Variants in SNAP29 observed in about 807,000 individuals in gnomAD.
The protein encoded by SNAP29 is synaptosomal-associated protein 29.
In SNAP29, 13 loss-of-function variants were observed where a neutral mutation model predicts 27.9. That is an observed-to-expected ratio of 0.47 (90% confidence interval 0.30 to 0.74). The LOEUF is 0.74. Among genes scored for constraint, SNAP29 ranks in the 30% least tolerant of loss-of-function variants. SNAP29 has a pLI of 0.06. For synonymous variants in SNAP29, 119 were observed against 127.1 expected (o/e 0.94, Z 0.43); for missense variants, 368 against 336.5 (o/e 1.09, Z -0.73).
chr22:20,885,764 G>C (rs1928999826), intron 4 of SNAP29, among the ~76,000 whole-genome samples: 1 of 152,240 alleles, frequency 6.6e-6, no homozygotes, highest in African/African-American at 2.4e-5. Context: ...CTGGGCAGAA[G>C]GGCGAGTGGC....
At chr22:20,883,595 C>T in intron 4 of SNAP29, 26 bp downstream of exon 4, 3 of 1,425,216 alleles carry the variant, frequency 2.1e-6, no homozygotes, top group Non-Finnish European at 3.0e-6. Flanking sequence ...ACACCAGCTT[C>T]TGTAAGCCAC....
intron 3 of SNAP29, among the ~76,000 whole-genome samples, chr22:20,882,016 A>C (rs1188935558): frequency 1.3e-5 from 2 of 152,100 alleles, no homozygotes; most frequent in Non-Finnish European, 2.9e-5. Context: ...AGAGAGCAGC[A>C]GAGTCAGAGA....
chr22:20,861,606 TTTTTTG>T (rs966072144), intron 1 of SNAP29, among the ~76,000 whole-genome samples: 13 of 151,898 alleles, frequency 8.6e-5, no homozygotes, highest in South Asian at 6.2e-4. Flanking sequence ...CCTGGCTAAT[TTTTTTG>T]TTTTTGTTTT....
At position 20,859,077 on chromosome 22, in the gene SNAP29, T is replaced by C. The variant is rs771561755; in HGVS notation, c.-34T>C. ...ACGGCGGCGGCAGTGGGGCTCCTCC[T>C]TCTGTTTCCCAGACCGAGAGCCGCG... On this transcript the variant is annotated 5_prime_UTR_variant, in exon 1 of 5. Coordinates refer to ENST00000215730, the MANE Select transcript of SNAP29 (RefSeq NM_004782.4). 3.9e-6 allele frequency: 6 copies of C among 1,543,244 alleles called. No homozygotes were observed. The Admixed American group carries it at 7.0e-5, about 18-fold the overall frequency.
intron 2 of SNAP29, among the ~76,000 whole-genome samples, chr22:20,875,932 T>C (rs956542827): frequency 2.0e-5 from 3 of 151,290 alleles, no homozygotes; most frequent in Non-Finnish European, 4.4e-5. Flanking sequence ...GAGGCTAAGG[T>C]GGGCGGATCA....
chr22:20,867,338 G>C (rs994524769), intron 1 of SNAP29, among the ~76,000 whole-genome samples: 3 of 152,104 alleles, frequency 2.0e-5, no homozygotes, highest in South Asian at 2.1e-4. Flanking sequence ...TCTGCGGAGG[G>C]GGGTGTGGAC....
chr22:20,865,110 T>C (rs1342531208), intron 1 of SNAP29, among the ~76,000 whole-genome samples: 4 of 152,138 alleles, frequency 2.6e-5, no homozygotes, highest in African/African-American at 9.7e-5. Context: ...ATCCTAGCAC[T>C]TGGGGAGGCT....
At chr22:20,887,170 A>G (rs1310058404) in intron 4 of SNAP29, among the ~76,000 whole-genome samples, 1 of 151,630 alleles carries the variant, frequency 6.6e-6, no homozygotes, top group African/African-American at 2.4e-5. Flanking sequence ...GGTTGCAGTG[A>G]GCCGAGATCA....
chr22:20,888,204 A>C lies in SNAP29; in HGVS notation c.*368A>C, dbSNP rs1159319718. ...TTCAGTCTTGCAGCCATGAGCCTCT[A>C]TTTCTCATTCCTAAGCCTTACCATG... is the stretch of plus-strand genomic sequence containing the variant. On this transcript the variant is annotated 3_prime_UTR_variant, in exon 5 of 5. Transcript: ENST00000215730. 1 of 344,924 alleles carries C rather than the reference A, an allele frequency of 2.9e-6. No individual in the cohort carries two copies. Among genetic ancestry groups the C allele is most frequent in the Non-Finnish European group, 5.6e-6 (1 of 179,086 alleles). 21.4% of individuals were successfully genotyped at this position (344,924 alleles called of 1,614,324 possible).
At chr22:20,873,882 C>G (rs1928655673) in intron 2 of SNAP29, among the ~76,000 whole-genome samples, 1 of 144,930 alleles carries the variant, frequency 6.9e-6, no homozygotes, top group Non-Finnish European at 1.5e-5. Flanking sequence ...GAGGAGAATC[C>G]CTTAAGCCTG....
At chr22:20,883,375 C>T in intron 3 of SNAP29, 96 bp from the exon 4 acceptor site, 2 of 842,152 alleles carry the variant, frequency 2.4e-6, no homozygotes, top group South Asian at 2.7e-5. Flanking sequence ...TTCGTTCCTT[C>T]CACCCATTTT....
chr22:20,862,763 G>A (rs1006150361), intron 1 of SNAP29, among the ~76,000 whole-genome samples: 4 of 152,180 alleles, frequency 2.6e-5, no homozygotes, highest in Non-Finnish European at 4.4e-5. Flanking sequence ...TTGTCAGTGA[G>A]ACAACATGTT....
chr22:20,876,882 C>T (rs1928759338), intron 2 of SNAP29, among the ~76,000 whole-genome samples: 1 of 152,162 alleles, frequency 6.6e-6, no homozygotes, highest in Non-Finnish European at 1.5e-5. Flanking sequence ...CATGCATTTC[C>T]TGTGTACATC....
At chr22:20,883,407 G>A in intron 3 of SNAP29, 64 bp from the exon 4 acceptor site, 2 of 1,060,734 alleles carry the variant, frequency 1.9e-6, no homozygotes, top group Non-Finnish European at 2.9e-6. Context: ...TGTTTTGGGT[G>A]TGTGAAGCAG....
intron 2 of SNAP29, among the ~76,000 whole-genome samples, chr22:20,880,638 T>C (rs1928868558): frequency 6.6e-6 from 1 of 152,162 alleles, no homozygotes; most frequent in African/African-American, 2.4e-5. Flanking sequence ...ATCTGCCTGG[T>C]CCTAGGAATC....
At chr22:20,873,288 G>A (rs1269541760) in intron 2 of SNAP29, among the ~76,000 whole-genome samples, 1 of 152,108 alleles carries the variant, frequency 6.6e-6, no homozygotes, top group Non-Finnish European at 1.5e-5. Flanking sequence ...TAGGATTACA[G>A]GCATGAGCCA....
At chr22:20,860,371 CTTTTTTT>C (rs361726) in intron 1 of SNAP29, among the ~76,000 whole-genome samples, 1 of 133,914 alleles carries the variant, frequency 7.5e-6, no homozygotes, top group Non-Finnish European at 1.6e-5. Context: ...TTTTCTTTTT[CTTTTTTT>C]TTTTTTTTTG....
chr22:20,878,005 T>C (rs1192575948), intron 2 of SNAP29, among the ~76,000 whole-genome samples: 1 of 152,146 alleles, frequency 6.6e-6, no homozygotes, highest in Non-Finnish European at 1.5e-5. Flanking sequence ...CCTGGAGTGT[T>C]AAATCCTTCC....
intron 1 of SNAP29, among the ~76,000 whole-genome samples, chr22:20,866,799 C>A (rs1162649672): frequency 6.6e-6 from 1 of 152,158 alleles, no homozygotes; most frequent in Non-Finnish European, 1.5e-5. Context: ...TGGACAGGAC[C>A]CCCAACTTTC....
Sources: allele counts gnomAD v4.1 joint callset (sites outside exome capture counted in the v4.1 genomes callset), GRCh38; gene constraint gnomAD v4.1.1; transcripts MANE v1.5; gene names NCBI Gene and HGNC (gene_info 2026-07-23, HGNC 2026-07-21).